The following SMC2 variants were observed in gnomAD, a reference collection of about 807,000 sequenced individuals.
The protein encoded by SMC2 is structural maintenance of chromosomes protein 2.
A neutral mutation model predicts 142.6 loss-of-function variants in SMC2; 41 were observed. The ratio of observed to expected loss-of-function variants is 0.29; its 90% confidence interval spans 0.22 to 0.37. The LOEUF (loss-of-function observed/expected upper bound fraction) is 0.37, where lower values mean the gene tolerates loss of function less well. Ranked by LOEUF, SMC2 falls within the 10% of genes least tolerant of loss-of-function variation. SMC2 has a pLI of 1.00. For missense variants in SMC2, 1,265 were observed against 1,373.7 expected (o/e 0.92, Z 1.25); for synonymous variants, 463 against 457.5 (o/e 1.01, Z -0.15).
intron 9 of SMC2, among the ~76,000 whole-genome samples, chr9:104,111,085 G>T (rs1832387750): frequency 6.6e-6 from 1 of 152,124 alleles, no homozygotes; most frequent in South Asian, 2.1e-4. Flanking sequence ...CTGGTATCTT[G>T]CATAGTGTCA....
At chr9:104,122,849 T>G (rs893438307) in intron 16 of SMC2, among the ~76,000 whole-genome samples, 2 of 152,168 alleles carry the variant, frequency 1.3e-5, no homozygotes, top group African/African-American at 4.8e-5. Context: ...GAAACCTAGC[T>G]GTTAAATATT....
At chr9:104,113,210 T>C (rs1392603463) in intron 10 of SMC2, 106 bp from the exon 11 acceptor site, 22 of 731,942 alleles carry the variant, frequency 3.0e-5, no homozygotes, top group Non-Finnish European at 4.2e-5. Flanking sequence ...AATTAAACTT[T>C]GAAGGTTAAG....
the SMC2 span, among the ~76,000 whole-genome samples, chr9:104,088,520 G>C: frequency 1.3e-5 from 2 of 152,036 alleles, no homozygotes; most frequent in Non-Finnish European, 2.9e-5. Context: ...AAATACACAA[G>C]GGGGAGAAGT....
intron 4 of SMC2, among the ~76,000 whole-genome samples, chr9:104,098,808 G>A (rs1372969127): frequency 4.1e-5 from 6 of 147,180 alleles, no homozygotes; most frequent in Non-Finnish European, 7.5e-5. Context: ...TTTTTGTTTT[G>A]TCACTAAAAG....
rs768335166 is a variant in SMC2 at position 104,101,947 on chromosome 9, A to G, written c.637-13A>G. 5 of 1,470,058 alleles carry G rather than the reference A, an allele frequency of 3.4e-6. No individual in the cohort carries two copies. Among genetic ancestry groups the G allele is most frequent in the Non-Finnish European group, 4.6e-6 (5 of 1,077,770 alleles). The allele number at this position is 1,470,058 out of a possible 1,614,324, so 91.1% of individuals were successfully genotyped here. On this transcript the variant is annotated splice_polypyrimidine_tract_variant and intron_variant, in intron 7 of 24. Transcript: ENST00000374793. ...AATTTTGAGTTATTCTTTTTTTGTGATTTCTCTTTCAGGAAAGATCGTCCT... is the reference window on the plus strand; with the variant it reads ...AATTTTGAGTTATTCTTTTTTTGTGGTTTCTCTTTCAGGAAAGATCGTCCT...
chr9:104,125,392 G>A (rs1587977247), intron 18 of SMC2, among the ~76,000 whole-genome samples: 1 of 152,014 alleles, frequency 6.6e-6, no homozygotes, highest in East Asian at 1.9e-4. Flanking sequence ...TCTGTATAAT[G>A]CAAATATTCC....
chr9:104,124,874 T>G, intron 17 of SMC2, 38 bp from the exon 18 acceptor site: 1 of 1,502,940 alleles, frequency 6.7e-7, no homozygotes, highest in Non-Finnish European at 9.0e-7. Context: ...ACCTTTACCA[T>G]TGTTAACTTA....
intron 23 of SMC2, chr9:104,136,138 A>T: frequency 3.3e-6 from 1 of 300,688 alleles, no homozygotes; most frequent in Admixed American, 4.4e-5. Context: ...ACATTCACAT[A>T]ATTGAAATTC....
chr9:104,113,337 G>T lies in SMC2; in HGVS notation c.1276G>T (p.Ala426Ser). ...ACAGGCTCAGATGAAGTTGAAGCAT[G>T]CTCAACAGGAATTAAAGAATAAACA... ...AKQAQMKLKH[A>S]QQELKNKQAE... Residue 426 changes from alanine to serine, a missense_variant, in exon 11 of 25, where the codon GCT becomes TCT. By Grantham distance (99) the Ala-to-Ser change is moderately conservative. Coordinates refer to ENST00000374793, the MANE Select transcript of SMC2 (RefSeq NM_006444.3). 6.2e-7 allele frequency: 1 copy of T among 1,607,970 alleles called. No homozygotes were observed. Among genetic ancestry groups the T allele is most frequent in the Non-Finnish European group, 8.5e-7 (1 of 1,177,484 alleles).
chr9:104,094,629 C>T (rs4743687), intron 1 of SMC2, 152 bp downstream of exon 1: 207,244 of 378,268 alleles, frequency 0.55, 61,840 homozygotes, highest in African/African-American at 0.72. Flanking sequence ...TAAAGGCTAG[C>T]TTCTGTTCGA....
At chr9:104,133,699 A>T (rs536664396) in intron 22 of SMC2, among the ~76,000 whole-genome samples, 1 of 152,238 alleles carries the variant, frequency 6.6e-6, no homozygotes, top group African/African-American at 2.4e-5. Context: ...ATTACAAGCT[A>T]GGATTTTGGC....
At chr9:104,097,119 GTTT>G (rs71501412) in intron 3 of SMC2, among the ~76,000 whole-genome samples, 5,977 of 103,950 alleles carry the variant, frequency 0.057, 407 homozygotes, top group African/African-American at 0.18. Flanking sequence ...GCTTGTCAAG[GTTT>G]TTTTTTTTTT....
At chr9:104,101,333 T>G (rs927276926) in intron 7 of SMC2, among the ~76,000 whole-genome samples, 2 of 152,202 alleles carry the variant, frequency 1.3e-5, no homozygotes, top group African/African-American at 4.8e-5. Context: ...TATAGTAGTA[T>G]AAATTTTACT....
Position 104,139,318 on chromosome 9 carries a change from T to A in SMC2, c.*3T>A, listed in dbSNP as rs1023813676. 5 of 1,567,092 alleles carry A rather than the reference T, an allele frequency of 3.2e-6. No homozygotes were observed. The highest frequency in any genetic ancestry group is 2.1e-5 in the Admixed American group (1 of 46,802). The stretch of plus-strand genomic sequence containing the variant: ...AAGGAGCACATGTGGAAGTTTAAAC[T>A]ACAAAGTTATTTCTTCATCTTGACC... On this transcript the variant is annotated 3_prime_UTR_variant, in exon 25 of 25. Transcript: ENST00000374793.
chr9:104,107,226 A>G (rs78072160), intron 9 of SMC2, among the ~76,000 whole-genome samples: 8,605 of 152,224 alleles, frequency 0.057, 646 homozygotes, highest in African/African-American at 0.18. Context: ...TTTAAGTCAC[A>G]GCGTCGCATG....
At chr9:104,126,444 A>G (rs530040684) in intron 18 of SMC2, among the ~76,000 whole-genome samples, 197 bp from the exon 19 acceptor site, 1 of 150,318 alleles carries the variant, frequency 6.7e-6, no homozygotes, top group Non-Finnish European at 1.5e-5. Flanking sequence ...AAAATTACAC[A>G]TACTTTTTTT....
At chr9:104,129,313 A>AGAAC (rs1834669777) in intron 20 of SMC2, among the ~76,000 whole-genome samples, 1 of 151,878 alleles carries the variant, frequency 6.6e-6, no homozygotes, top group Admixed American at 6.6e-5. Context: ...GATCAGCCTG[A>AGAAC]CCAACATGGA....
At chr9:104,117,433 G>A (rs1833246329) in intron 14 of SMC2, among the ~76,000 whole-genome samples, 1 of 152,196 alleles carries the variant, frequency 6.6e-6, no homozygotes, top group Admixed American at 6.5e-5. Flanking sequence ...TAAATGATGG[G>A]CAGAGGTAGC....
upstream of SMC2, among the ~76,000 whole-genome samples, chr9:104,090,511 T>TG (rs1275215158): frequency 1.3e-5 from 2 of 150,460 alleles, no homozygotes; most frequent in African/African-American, 2.4e-5. Flanking sequence ...TTGGATAGGG[T>TG]GGGAAAAAAA....
Sources: allele counts gnomAD v4.1 joint callset (sites outside exome capture counted in the v4.1 genomes callset), GRCh38; gene constraint gnomAD v4.1.1; transcripts MANE v1.5; gene names NCBI Gene and HGNC (gene_info 2026-07-23, HGNC 2026-07-21).